IDO2: variants seen among roughly 807,000 people sequenced by gnomAD.
IDO2 encodes the protein indoleamine 2,3-dioxygenase 2.
In IDO2, 46 loss-of-function variants were observed where a neutral mutation model predicts 45.1. That is an observed-to-expected ratio of 1.02 (90% confidence interval 0.80 to 1.30). The LOEUF is 1.30. IDO2 is among the 50% of genes most tolerant of loss of function. The probability of loss-of-function intolerance (pLI) is 0.00; values close to 1 mark genes in which losing one functional copy is unlikely to be tolerated. For synonymous variants in IDO2, 218 were observed against 184.9 expected (o/e 1.18, Z -1.45); for missense variants, 544 against 491.8 (o/e 1.11, Z -1.00).
At position 39,958,236 on chromosome 8, in the gene IDO2, C is replaced by G. The variant is rs951014530; in HGVS notation, c.100-5372C>G. 7.2e-5 allele frequency among the ~76,000 whole-genome samples: 11 copies of G among 152,080 alleles called. 1 individual carries two copies. Among genetic ancestry groups the G allele is most frequent in the Admixed American group, 3.9e-4 (6 of 15,256 alleles). On this transcript the variant is annotated intron_variant, in intron 2 of 10. Transcript: ENST00000502986. ...TTATTTTTTGAGACGGAGTCTTGCTCTCTTCCCCAGGCTGGAGTGCAGTGG... is the reference window on the plus strand; with the variant it reads ...TTATTTTTTGAGACGGAGTCTTGCTGTCTTCCCCAGGCTGGAGTGCAGTGG...
intron 7 of IDO2, among the ~76,000 whole-genome samples, chr8:39,988,847 C>T (rs1808462185): frequency 6.6e-6 from 1 of 152,118 alleles, no homozygotes; most frequent in African/African-American, 2.4e-5. Context: ...AGTTCTCATC[C>T]ATGTGTTTAG....
At chr8:39,947,826 T>G (rs1413965757) in intron 1 of IDO2, among the ~76,000 whole-genome samples, 1 of 151,962 alleles carries the variant, frequency 6.6e-6, no homozygotes, top group Non-Finnish European at 1.5e-5. Context: ...TCACTTTTGT[T>G]GCCCAGCCTG....
intron 9 of IDO2, among the ~76,000 whole-genome samples, chr8:40,007,602 T>TTATACTA (rs1211925799): frequency 2.0e-5 from 3 of 152,194 alleles, no homozygotes; most frequent in African/African-American, 7.2e-5. Context: ...CATAGCAGGC[T>TTATACTA]TATACTATAG....
intron 2 of IDO2, among the ~76,000 whole-genome samples, chr8:39,950,344 C>T (rs1006278112): frequency 6.6e-6 from 1 of 152,080 alleles, no homozygotes; most frequent in African/African-American, 2.4e-5. Flanking sequence ...CCAGGTTGAT[C>T]AACATGGTGA....
At chr8:39,945,410 G>A (rs1457183133) in intron 1 of IDO2, among the ~76,000 whole-genome samples, 1 of 152,206 alleles carries the variant, frequency 6.6e-6, no homozygotes, top group Non-Finnish European at 1.5e-5. Context: ...AGCCCTCTGA[G>A]GTCAAAAGTG....
intron 7 of IDO2, among the ~76,000 whole-genome samples, chr8:39,989,256 C>G (rs1411174166): frequency 1.3e-5 from 2 of 152,020 alleles, no homozygotes; most frequent in Middle Eastern, 3.2e-3. Context: ...GAGAGCCCAC[C>G]CCCATAATTC....
At chr8:40,002,470 T>C (rs992612081) in intron 8 of IDO2, among the ~76,000 whole-genome samples, 4 of 152,126 alleles carry the variant, frequency 2.6e-5, no homozygotes, top group African/African-American at 4.8e-5. Flanking sequence ...ATATAGACTG[T>C]TAGAATCATC....
chr8:40,011,507 A>G (rs1802310738), intron 9 of IDO2, among the ~76,000 whole-genome samples: 1 of 152,222 alleles, frequency 6.6e-6, no homozygotes, highest in Non-Finnish European at 1.5e-5. Context: ...TGGACAAATC[A>G]CAAAACCTCT....
intron 4 of IDO2, among the ~76,000 whole-genome samples, chr8:39,979,846 GTT>G (rs1400474074): frequency 1.1e-4 from 16 of 152,108 alleles, no homozygotes; most frequent in African/African-American, 3.6e-4. Flanking sequence ...TTAAAACAGG[GTT>G]GCACCATGTT....
intron 1 of IDO2, among the ~76,000 whole-genome samples, chr8:39,948,063 A>C (rs1342307207): frequency 6.6e-6 from 1 of 152,086 alleles, no homozygotes; most frequent in African/African-American, 2.4e-5. Context: ...TGGCCTTCCA[A>C]AGTGGCGTGA....
chr8:40,010,852 G>A (rs1802299929), intron 9 of IDO2, among the ~76,000 whole-genome samples: 1 of 152,176 alleles, frequency 6.6e-6, no homozygotes, highest in Non-Finnish European at 1.5e-5. Flanking sequence ...GAATATAGGG[G>A]AGTGGTCTAG....
chr8:39,946,232 A>G (rs564096063), intron 1 of IDO2, among the ~76,000 whole-genome samples: 1 of 152,272 alleles, frequency 6.6e-6, no homozygotes, highest in East Asian at 1.9e-4. Context: ...GCACAAGAAG[A>G]GAGCTTTGAC....
intron 2 of IDO2, among the ~76,000 whole-genome samples, chr8:39,960,041 T>C (rs1807968659): frequency 6.6e-6 from 1 of 152,134 alleles, no homozygotes; most frequent in African/African-American, 2.4e-5. Flanking sequence ...ATGAATTAAT[T>C]AGGAGCTTGA....
chr8:40,009,412 C>A (rs1263252210), intron 9 of IDO2, among the ~76,000 whole-genome samples: 1 of 150,400 alleles, frequency 6.6e-6, no homozygotes, highest in Non-Finnish European at 1.5e-5. Context: ...CACACACATT[C>A]AATTTCTTGA....
Position 39,938,366 on chromosome 8 carries a change from T to G in IDO2, c.-18+3148T>G, listed in dbSNP as rs548766965. Among the ~76,000 whole-genome samples the G allele has an allele frequency of 2.0e-5, 3 of 152,290 alleles. No homozygotes were observed. The East Asian group carries it at 5.8e-4, about 29-fold the overall frequency. On this transcript the variant is annotated intron_variant, in intron 1 of 10. Coordinates refer to ENST00000502986, the Ensembl canonical transcript of IDO2. Reference sequence around the variant, plus strand: ...TATAAATGAATTTTATCAGGAAATATATCTGTAAATGAATTTTATAAAATA... The same window carrying G: ...TATAAATGAATTTTATCAGGAAATAGATCTGTAAATGAATTTTATAAAATA...
At chr8:39,981,392 G>A (rs926112160) in intron 4 of IDO2, among the ~76,000 whole-genome samples, 1 of 152,128 alleles carries the variant, frequency 6.6e-6, no homozygotes, top group Non-Finnish European at 1.5e-5. Context: ...ATGCTGAAAA[G>A]TTTGAAGTCT....
intron 3 of IDO2, among the ~76,000 whole-genome samples, chr8:39,969,214 C>A (rs1161251097): frequency 1.3e-5 from 2 of 152,060 alleles, no homozygotes; most frequent in Non-Finnish European, 2.9e-5. Context: ...GTCTGTCAAC[C>A]CCATTTTTCC....
chr8:39,990,729 T>G (rs1157475795), intron 8 of IDO2, among the ~76,000 whole-genome samples: 1 of 152,244 alleles, frequency 6.6e-6, no homozygotes, highest in African/African-American at 2.4e-5. Context: ...GTATTCCCAT[T>G]GCAATGCCCT....
chr8:39,943,378 A>G (rs1462175568), intron 1 of IDO2, among the ~76,000 whole-genome samples: 2 of 151,928 alleles, frequency 1.3e-5, no homozygotes, highest in African/African-American at 4.8e-5. Context: ...CAAAAAACAA[A>G]CAAACACTCT....
Sources: gnomAD v4.1 joint callset for allele counts (sites outside exome capture counted in the v4.1 genomes callset) on GRCh38, gnomAD v4.1.1 for gene constraint, MANE v1.5 for transcripts, NCBI Gene and HGNC (gene_info 2026-07-23, HGNC 2026-07-21) for gene names.